Variants in NALF1 observed in about 807,000 individuals in gnomAD.
NALF1 encodes family with sequence similarity 155 member A.
Under a neutral mutation model 48.4 loss-of-function variants are expected in NALF1, and 3 were observed. That is an observed-to-expected ratio of 0.06 (90% CI 0.03 to 0.16). NALF1 has a LOEUF of 0.16. Among genes scored for constraint, NALF1 ranks in the 10% least tolerant of loss-of-function variants. NALF1 has a pLI of 1.00. For synonymous variants in NALF1, 262 were observed against 245.7 expected, an observed-to-expected ratio of 1.07 and a Z score of -0.62; for missense variants, 526 against 571.5, an observed-to-expected ratio of 0.92 and a Z score of 0.81.
intron 1 of NALF1, among the ~76,000 whole-genome samples, chr13:107,728,723 A>T (rs1020101897): frequency 4.8e-5 from 5 of 104,812 alleles, no homozygotes; most frequent in South Asian, 3.1e-4. Flanking sequence ...AATAAATAAA[A>T]AAGAAAAAGA....
At chr13:107,385,575 AAACAAAG>A (rs1225055778) in intron 1 of NALF1, among the ~76,000 whole-genome samples, 140 of 150,070 alleles carry the variant, frequency 9.3e-4, no homozygotes, top group African/African-American at 3.1e-3. Context: ...AAAAAAAAAA[AAACAAAG>A]AAAAGAAAAA....
At chr13:107,537,045 A>G (rs1876842869) in intron 1 of NALF1, among the ~76,000 whole-genome samples, 1 of 152,154 alleles carries the variant, frequency 6.6e-6, no homozygotes, top group Non-Finnish European at 1.5e-5. Context: ...ACACTTGGAC[A>G]CAGGGCGGGG....
intron 1 of NALF1, among the ~76,000 whole-genome samples, chr13:107,782,902 G>A (rs1215148189): frequency 1.3e-5 from 2 of 150,090 alleles, no homozygotes; most frequent in Non-Finnish European, 3.0e-5. Context: ...CCCGGCAGCC[G>A]CCCCGTCCAG....
At chr13:107,494,649 G>A (rs1178983614) in intron 1 of NALF1, among the ~76,000 whole-genome samples, 4 of 152,080 alleles carry the variant, frequency 2.6e-5, no homozygotes, top group African/African-American at 7.2e-5. Context: ...TTACCTATGG[G>A]TTAACTACTG....
intron 1 of NALF1, among the ~76,000 whole-genome samples, chr13:107,841,857 A>G (rs2138635556): frequency 6.6e-6 from 1 of 152,192 alleles, no homozygotes; most frequent in South Asian, 2.1e-4. Context: ...TATTCTTGCA[A>G]AAGAATGCTT....
At chr13:107,819,576 C>T (rs1879292483) in intron 1 of NALF1, among the ~76,000 whole-genome samples, 1 of 152,174 alleles carries the variant, frequency 6.6e-6, no homozygotes, top group African/African-American at 2.4e-5. Flanking sequence ...TTAATCACTT[C>T]CCATTGGCCA....
At chr13:107,288,941 A>G (rs190889570) in intron 1 of NALF1, among the ~76,000 whole-genome samples, 1 of 152,184 alleles carries the variant, frequency 6.6e-6, no homozygotes, top group Non-Finnish European at 1.5e-5. Flanking sequence ...TTTTGAAGTT[A>G]AAATAGTAAG....
At chr13:107,860,339 G>A (rs1880538167) in intron 1 of NALF1, among the ~76,000 whole-genome samples, 2 of 152,298 alleles carry the variant, frequency 1.3e-5, no homozygotes, top group South Asian at 4.1e-4. Context: ...CATCAGTTGA[G>A]CAAATGGGAT....
chr13:107,679,433 G>A (rs777019363), intron 1 of NALF1, among the ~76,000 whole-genome samples: 14 of 152,066 alleles, frequency 9.2e-5, no homozygotes, highest in Non-Finnish European at 1.8e-4. Flanking sequence ...TTAGATCCCG[G>A]GGGCTGGGTG....
At chr13:107,490,520 A>G (rs570792388) in intron 1 of NALF1, among the ~76,000 whole-genome samples, 1 of 152,272 alleles carries the variant, frequency 6.6e-6, no homozygotes, top group South Asian at 2.1e-4. Flanking sequence ...ATGAGACTAG[A>G]TGGACACACA....
At chr13:107,842,225 T>G (rs1161034878) in intron 1 of NALF1, among the ~76,000 whole-genome samples, 2 of 151,966 alleles carry the variant, frequency 1.3e-5, no homozygotes, top group Non-Finnish European at 2.9e-5. Flanking sequence ...GAAAAAAAAT[T>G]TTTTAGATGT....
intron 1 of NALF1, among the ~76,000 whole-genome samples, chr13:107,569,670 G>C (rs1877928456): frequency 6.6e-6 from 1 of 152,140 alleles, no homozygotes; most frequent in Admixed American, 6.5e-5. Flanking sequence ...ATCAGGAAGA[G>C]TGATTCTTCC....
intron 1 of NALF1, among the ~76,000 whole-genome samples, chr13:107,492,295 C>T (rs1285238632): frequency 2.0e-5 from 3 of 151,892 alleles, no homozygotes; most frequent in Non-Finnish European, 4.4e-5. Flanking sequence ...GTGATCAGCC[C>T]GCTTCGGCCT....
chr13:107,370,587 A>G (rs1883232227), intron 1 of NALF1, among the ~76,000 whole-genome samples: 2 of 151,960 alleles, frequency 1.3e-5, no homozygotes, highest in Non-Finnish European at 2.9e-5. Flanking sequence ...TTCTTAATTT[A>G]TCATCCATTA....
chr13:107,818,850 C>G (rs891925588), intron 1 of NALF1, among the ~76,000 whole-genome samples: 2 of 94,798 alleles, frequency 2.1e-5, no homozygotes, highest in South Asian at 4.3e-4. Flanking sequence ...CCAGCCTGGG[C>G]GACAGAGCGA....
intron 1 of NALF1, among the ~76,000 whole-genome samples, chr13:107,594,138 T>C (rs556260963): frequency 6.6e-6 from 1 of 152,138 alleles, no homozygotes; most frequent in African/African-American, 2.4e-5. Flanking sequence ...CACTCTTCAA[T>C]TCATGGAAAT....
At chr13:107,319,131 G>A (rs1213521708) in intron 1 of NALF1, among the ~76,000 whole-genome samples, 3 of 152,026 alleles carry the variant, frequency 2.0e-5, no homozygotes, top group Non-Finnish European at 2.9e-5. Flanking sequence ...AAGATGTGAG[G>A]GAGAATGTGC....
chr13:107,852,595 T>A (rs988916530), intron 1 of NALF1, among the ~76,000 whole-genome samples: 7 of 152,204 alleles, frequency 4.6e-5, no homozygotes. Context: ...TTCGAGGAAA[T>A]GCATGTGGTC....
At chr13:107,768,595 C>G (rs900321369) in intron 1 of NALF1, among the ~76,000 whole-genome samples, 6 of 152,128 alleles carry the variant, frequency 3.9e-5, no homozygotes, top group African/African-American at 1.4e-4. Flanking sequence ...ACTTTCCCTT[C>G]ATCTTTAACA....
Sources: gnomAD v4.1 joint callset for allele counts (sites outside exome capture counted in the v4.1 genomes callset) on GRCh38, gnomAD v4.1.1 for gene constraint, MANE v1.5 for transcripts, NCBI Gene and HGNC (gene_info 2026-07-23, HGNC 2026-07-21) for gene names.